Variants in OPHN1 observed in about 807,000 individuals in gnomAD.
The protein encoded by OPHN1 is oligophrenin-1.
OPHN1 carries 11 observed loss-of-function variants against 60.7 expected under a neutral mutation model. The ratio of observed to expected loss-of-function variants is 0.18; its 90% CI spans 0.11 to 0.30. OPHN1 has a LOEUF of 0.30. OPHN1 is among the 10% of genes least tolerant of loss of function. The pLI is 1.00. For synonymous variants in OPHN1, 226 were observed against 222.6 expected (o/e 1.02, Z -0.14); for missense variants, 449 against 611.0 (o/e 0.73, Z 2.80).
intron 4 of OPHN1, among the ~76,000 whole-genome samples, chrX:68,280,370 G>A (rs1455322277): frequency 9.0e-6 from 1 of 111,208 alleles, no homozygotes; most frequent in Non-Finnish European, 1.9e-5. Flanking sequence ...AGAAAAAGGA[G>A]CCCAGAAAAA....
intron 15 of OPHN1, among the ~76,000 whole-genome samples, chrX:68,161,056 C>T (rs921557384): frequency 1.1e-4 from 12 of 109,921 alleles, no homozygotes; most frequent in Non-Finnish European, 1.9e-4. Flanking sequence ...AAATCAGGAA[C>T]GAAAAAGAGA....
chrX:68,079,909 C>T (rs1019158256), intron 19 of OPHN1, among the ~76,000 whole-genome samples: 3 of 111,710 alleles, frequency 2.7e-5, no homozygotes, highest in Non-Finnish European at 5.6e-5. Context: ...AATTATACTT[C>T]CTTAATGTCT....
intron 7 of OPHN1, among the ~76,000 whole-genome samples, chrX:68,213,587 A>G (rs1016178890): frequency 1.4e-4 from 15 of 108,182 alleles, no homozygotes; most frequent in Admixed American, 7.0e-4. Flanking sequence ...TAACAGGAAG[A>G]GTTGTAGAGA....
At chrX:68,288,756 C>A (rs1199269848) in intron 3 of OPHN1, among the ~76,000 whole-genome samples, 2 of 110,390 alleles carry the variant, frequency 1.8e-5, no homozygotes, top group African/African-American at 6.6e-5. Flanking sequence ...AAGAGTGAAA[C>A]TTCATCTCAA....
At chrX:68,302,651 C>G (rs1372366170) in intron 2 of OPHN1, among the ~76,000 whole-genome samples, 3 of 110,649 alleles carry the variant, frequency 2.7e-5, no homozygotes, top group Non-Finnish European at 5.7e-5. Flanking sequence ...GTTGCAGTGG[C>G]TCATGCCTTT....
intron 3 of OPHN1, among the ~76,000 whole-genome samples, chrX:68,293,827 G>T (rs1222015568): frequency 1.8e-5 from 2 of 111,354 alleles, no homozygotes; most frequent in African/African-American, 6.5e-5. Flanking sequence ...GAGAGTAAGT[G>T]CCTCCTTAAA....
chrX:68,300,891 T>C (rs1026132809), intron 2 of OPHN1, among the ~76,000 whole-genome samples: 1 of 112,424 alleles, frequency 8.9e-6, no homozygotes, highest in Non-Finnish European at 1.9e-5. Flanking sequence ...TCAACATTTA[T>C]AGTATTTTGA....
chrX:68,213,138 G>C (rs2077592251), intron 7 of OPHN1, among the ~76,000 whole-genome samples: 1 of 112,245 alleles, frequency 8.9e-6, no homozygotes, highest in African/African-American at 3.2e-5. Flanking sequence ...GGAAGCCAAG[G>C]CAGGGGGATC....
chrX:68,091,536 C>T (rs2077018280), intron 19 of OPHN1, among the ~76,000 whole-genome samples: 1 of 111,200 alleles, frequency 9.0e-6, no homozygotes, highest in African/African-American at 3.3e-5. Flanking sequence ...AACCTGTTAC[C>T]ACTACCATGG....
chrX:68,243,631 G>T (rs1029118223), intron 5 of OPHN1, among the ~76,000 whole-genome samples: 1 of 111,275 alleles, frequency 9.0e-6, no homozygotes, highest in Non-Finnish European at 1.9e-5. Context: ...CGAGTAATCC[G>T]CCCGTCTTGG....
At chrX:68,255,180 A>G (rs1217620534) in intron 5 of OPHN1, among the ~76,000 whole-genome samples, 3 of 109,799 alleles carry the variant, frequency 2.7e-5, no homozygotes, top group Non-Finnish European at 5.7e-5. Context: ...TGAAACTTCT[A>G]ACTGCCTGCC....
At chrX:68,128,578 C>A (rs1036716322) in intron 15 of OPHN1, among the ~76,000 whole-genome samples, 2 of 111,492 alleles carry the variant, frequency 1.8e-5, no homozygotes, top group African/African-American at 6.5e-5. Context: ...CACAAAAAGA[C>A]TTCCGTAAAT....
At chrX:68,261,480 T>TG (rs984146959) in intron 5 of OPHN1, among the ~76,000 whole-genome samples, 2 of 110,367 alleles carry the variant, frequency 1.8e-5, no homozygotes, top group African/African-American at 6.6e-5. Context: ...GAGAAGTCGG[T>TG]GGGGGGAGGC....
In OPHN1 at chrX:68,222,077, T is replaced by G. The variant is rs1441590123; in HGVS notation, c.487-8105A>C. On this transcript the variant is annotated intron_variant, in intron 6 of 24. Transcript: ENST00000355520. ...AATCTACAATGAACTCAAACAAATT[T>G]ACAAGAAAAAAACAAACAACCCCAT... Among the ~76,000 whole-genome samples, 21 of 106,745 alleles carry G rather than the reference T, an allele frequency of 2.0e-4. No homozygotes were observed. The Admixed American group carries it at 2.1e-3, about 11-fold the overall frequency. The allele number at this position is 106,745 out of a possible 115,157, so 92.7% of individuals were successfully genotyped here.
intron 15 of OPHN1, among the ~76,000 whole-genome samples, chrX:68,135,880 A>C (rs1042481366): frequency 8.9e-6 from 1 of 112,015 alleles, no homozygotes; most frequent in African/African-American, 3.2e-5. Flanking sequence ...TTTGGACATG[A>C]ACTATTTGGA....
At chrX:68,278,714 C>T (rs1463541112) in intron 4 of OPHN1, among the ~76,000 whole-genome samples, 2 of 112,111 alleles carry the variant, frequency 1.8e-5, no homozygotes, top group South Asian at 3.6e-4. Flanking sequence ...GGCAAAACCC[C>T]ATCTCTACTA....
intron 5 of OPHN1, among the ~76,000 whole-genome samples, chrX:68,264,474 G>A (rs1217949925): frequency 2.7e-5 from 3 of 112,196 alleles, no homozygotes; most frequent in African/African-American, 9.7e-5. Flanking sequence ...CTCAAGAGAA[G>A]ACATTTATGC....
chrX:68,215,794 T>C (rs1186615103), intron 6 of OPHN1, among the ~76,000 whole-genome samples: 1 of 111,562 alleles, frequency 9.0e-6, no homozygotes, highest in Non-Finnish European at 1.9e-5. Flanking sequence ...TCAAAAGTGA[T>C]GGTAAAATAA....
intron 15 of OPHN1, chrX:68,133,073 A>C (rs2077204595): frequency 1.9e-6 from 1 of 526,664 alleles, no homozygotes; most frequent in Admixed American, 2.6e-5. Context: ...GCGGCGCCTT[A>C]CAATTCCGGA....
Sources: gnomAD v4.1 joint callset for allele counts (sites outside exome capture counted in the v4.1 genomes callset) on GRCh38, gnomAD v4.1.1 for gene constraint, MANE v1.5 for transcripts, NCBI Gene and HGNC (gene_info 2026-07-23, HGNC 2026-07-21) for gene names.